CCDC148: variants seen among roughly 807,000 people sequenced by gnomAD.
The protein encoded by CCDC148 is coiled-coil domain containing 148.
In CCDC148, 89 loss-of-function variants were observed where a neutral mutation model predicts 85.7. The ratio of observed to expected loss-of-function variants is 1.04; its 90% CI spans 0.87 to 1.24. The LOEUF (loss-of-function observed/expected upper bound fraction) is 1.24, where lower values mean the gene tolerates loss of function less well. CCDC148 is among the 50% of genes most tolerant of loss of function. The probability of loss-of-function intolerance (pLI) is 0.00; values close to 1 mark genes in which losing one functional copy is unlikely to be tolerated. For synonymous variants in CCDC148, 230 were observed against 213.9 expected (o/e 1.08, Z -0.66); for missense variants, 692 against 671.7 (o/e 1.03, Z -0.33).
chr2:158,385,470 T>C (rs143228978), intron 1 of CCDC148, among the ~76,000 whole-genome samples: 37 of 152,244 alleles, frequency 2.4e-4, no homozygotes, highest in Admixed American at 1.9e-3. Context: ...TTATGTATAA[T>C]TGAACAAATT....
chr2:158,433,145 A>T (rs1479732809), intron 1 of CCDC148, among the ~76,000 whole-genome samples: 2 of 141,484 alleles, frequency 1.4e-5, no homozygotes, highest in African/African-American at 5.1e-5. Context: ...CTGTAGTCCC[A>T]GCAACTCAGG....
rs777356867 is a variant in CCDC148 at position 158,323,919 on chromosome 2, C to CTTTTTTTTTTTTT, written c.765-10038_765-10026dup. Among the ~76,000 whole-genome samples the CTTTTTTTTTTTTT allele has an allele frequency of 6.7e-4, 56 of 82,970 alleles. 6 individuals are homozygous for CTTTTTTTTTTTTT. Among genetic ancestry groups the CTTTTTTTTTTTTT allele is most frequent in the Middle Eastern group, 0.01 (1 of 96 alleles). The allele number at this position is 82,970 out of a possible 152,430, so 54.4% of individuals were successfully genotyped here. A position where few individuals can be genotyped will look rare whatever the true frequency, so the allele number is the denominator to read the frequency against. On this transcript the variant is annotated intron_variant, in intron 7 of 13. Coordinates refer to ENST00000283233, the MANE Select transcript of CCDC148 (RefSeq NM_138803.4). The stretch of plus-strand genomic sequence containing the variant: ...GTCTAATTTCACCACCTGGGAATAA[C>CTTTTTTTTTTTTT]TTTTTTTTTTTTTTTTTTTTTTTTT...
intron 11 of CCDC148, among the ~76,000 whole-genome samples, chr2:158,196,018 T>G (rs1685651211): frequency 6.6e-6 from 1 of 152,144 alleles, no homozygotes; most frequent in Admixed American, 6.6e-5. Context: ...ACATGATTTC[T>G]TCCATCAGCT....
At chr2:158,430,125 G>A (rs1339152730) in intron 1 of CCDC148, among the ~76,000 whole-genome samples, 3 of 152,166 alleles carry the variant, frequency 2.0e-5, no homozygotes, top group African/African-American at 4.8e-5. Context: ...GATAAAAGGC[G>A]AGCAGTTATT....
At chr2:158,368,357 T>C (rs1387901997) in intron 1 of CCDC148, among the ~76,000 whole-genome samples, 1 of 152,124 alleles carries the variant, frequency 6.6e-6, no homozygotes, top group African/African-American at 2.4e-5. Flanking sequence ...AACCAACATT[T>C]CCTGGTTCCC....
chr2:158,378,381 G>T (rs974953482), intron 1 of CCDC148, among the ~76,000 whole-genome samples: 1 of 152,098 alleles, frequency 6.6e-6, no homozygotes, highest in African/African-American at 2.4e-5. Context: ...TGGCTCATAA[G>T]GTTTAAGGAA....
At chr2:158,329,113 G>A (rs1459012948) in intron 7 of CCDC148, among the ~76,000 whole-genome samples, 1 of 152,168 alleles carries the variant, frequency 6.6e-6, no homozygotes, top group East Asian at 1.9e-4. Context: ...GAATGGTATT[G>A]CCTAGGTTTT....
At position 158,172,060 on chromosome 2, in the gene CCDC148, A is replaced by G; in HGVS notation, c.*53T>C. On this transcript the variant is annotated 3_prime_UTR_variant, in exon 14 of 14. Transcript: ENST00000283233. ...GAAAGTAGTAATTATTATTATCCAT[A>G]TACATGTTTTCAAAGAAAAATGCTC... is the stretch of plus-strand genomic sequence containing the variant. The G allele has an allele frequency of 7.9e-7, 1 of 1,264,184 alleles. No homozygotes were observed. The highest frequency in any genetic ancestry group is 1.1e-6 in the Non-Finnish European group (1 of 901,274). The allele number at this position is 1,264,184 out of a possible 1,614,324, so 78.3% of individuals were successfully genotyped here.
chr2:158,384,280 T>C (rs1275040801), intron 1 of CCDC148, among the ~76,000 whole-genome samples: 6 of 152,200 alleles, frequency 3.9e-5, no homozygotes, highest in African/African-American at 1.2e-4. Context: ...GTTAAATATG[T>C]AAGTTTTTGT....
intron 10 of CCDC148, among the ~76,000 whole-genome samples, chr2:158,249,244 C>T (rs1323805305): frequency 6.6e-6 from 1 of 152,104 alleles, no homozygotes; most frequent in South Asian, 2.1e-4. Flanking sequence ...CAAGTGCCTA[C>T]GAATATAATA....
intron 1 of CCDC148, among the ~76,000 whole-genome samples, chr2:158,406,617 T>TTTTTTCTGTTTTTTTTTTTTG (rs1260129861): frequency 2.1e-3 from 83 of 39,260 alleles, no homozygotes; most frequent in Non-Finnish European, 4.2e-3. Context: ...AAATTTCTTT[T>TTTTTTCTGTTTTTTTTTTTTG]TTTTTTTTTT....
rs768426184 is a variant in CCDC148 at position 158,345,216 on chromosome 2, T to G, written c.250A>C (p.Arg84=). 6.2e-7 allele frequency: 1 copy of G among 1,611,458 alleles called. No homozygotes were observed. The highest frequency in any genetic ancestry group is 1.7e-5 in the Admixed American group (1 of 59,858). The part of the protein sequence containing the change: ...WQEYQRLNEV[R]CKMESEIKSL... ...CTTACTATGTCCCCCAGTTCTTACC[T>G]GACTTCATTCAGCCTCTGGTATTCC... is the stretch of plus-strand genomic sequence containing the variant. Residue 84 remains arginine (R), a splice_region_variant and synonymous_variant, in exon 3 of 14, where the codon AGA becomes CGA. Transcript: ENST00000283233.
rs552155610 is a variant in CCDC148 at position 158,416,893 on chromosome 2, T to C, written c.25+39522A>G. On this transcript the variant is annotated intron_variant, in intron 1 of 13. Coordinates refer to ENST00000283233, the MANE Select transcript of CCDC148 (RefSeq NM_138803.4). ...CTGAGTAATTTATAAAGAAAAGAGG[T>C]TTAATTGGCTCATGGTTCTGCAGGC... Among the ~76,000 whole-genome samples, 5 of 152,176 alleles carry C rather than the reference T, an allele frequency of 3.3e-5. No homozygotes were observed. The East Asian group carries it at 7.7e-4, about 24-fold the overall frequency.
chr2:158,397,304 G>A (rs1559119118), intron 1 of CCDC148, among the ~76,000 whole-genome samples: 1 of 152,056 alleles, frequency 6.6e-6, no homozygotes, highest in African/African-American at 2.4e-5. Context: ...CTCGAGAAGA[G>A]TAACCCCAAG....
intron 11 of CCDC148, among the ~76,000 whole-genome samples, chr2:158,215,596 C>T (rs1254797405): frequency 6.6e-6 from 1 of 151,296 alleles, no homozygotes. Flanking sequence ...GCACAATGTG[C>T]AGGTTTGTTA....
chr2:158,281,166 G>A (rs1287542515), intron 9 of CCDC148, among the ~76,000 whole-genome samples: 1 of 151,934 alleles, frequency 6.6e-6, no homozygotes, highest in Non-Finnish European at 1.5e-5. Context: ...ATGCCCACAA[G>A]AGAAAGCAGG....
intron 7 of CCDC148, among the ~76,000 whole-genome samples, chr2:158,321,875 T>C (rs1040177724): frequency 6.6e-6 from 1 of 152,130 alleles, no homozygotes; most frequent in African/African-American, 2.4e-5. Flanking sequence ...TGCATAGATT[T>C]CTCTTTTGGC....
At chr2:158,407,957 C>A (rs1312525799) in intron 1 of CCDC148, among the ~76,000 whole-genome samples, 1 of 152,240 alleles carries the variant, frequency 6.6e-6, no homozygotes, top group East Asian at 1.9e-4. Context: ...ATTTTAAGTA[C>A]AAATTCTAAA....
At chr2:158,331,814 G>C (rs1049622304) in intron 7 of CCDC148, among the ~76,000 whole-genome samples, 4 of 152,112 alleles carry the variant, frequency 2.6e-5, no homozygotes, top group African/African-American at 9.7e-5. Context: ...TTTTATCAGA[G>C]ACTAGGATTG....
Sources: gnomAD v4.1 joint callset for allele counts (sites outside exome capture counted in the v4.1 genomes callset) on GRCh38, gnomAD v4.1.1 for gene constraint, MANE v1.5 for transcripts, NCBI Gene and HGNC (gene_info 2026-07-23, HGNC 2026-07-21) for gene names.